The following ATRN variants were observed in gnomAD, a reference collection of about 807,000 sequenced individuals.
ATRN encodes attractin.
In ATRN, 54 loss-of-function variants were observed where a neutral mutation model predicts 178.7. That is an observed-to-expected ratio of 0.30 (90% CI 0.24 to 0.38). The LOEUF is 0.38. ATRN is among the 10% of genes least tolerant of loss of function. ATRN has a pLI of 1.00. For missense variants in ATRN, 1,443 were observed against 1,815.1 expected, an observed-to-expected ratio of 0.79 and a Z score of 3.73; for synonymous variants, 636 against 663.0, an observed-to-expected ratio of 0.96 and a Z score of 0.63.
chr20:3,476,103 C>T (rs1360469640), intron 1 of ATRN, among the ~76,000 whole-genome samples: 3 of 152,186 alleles, frequency 2.0e-5, no homozygotes, highest in African/African-American at 4.8e-5. Context: ...CATAATCATG[C>T]CACTGCATTC....
intron 11 of ATRN, among the ~76,000 whole-genome samples, chr20:3,568,875 G>A (rs934544459): frequency 1.9e-4 from 29 of 152,122 alleles, no homozygotes; most frequent in Non-Finnish European, 4.4e-5. Flanking sequence ...GCACTGCATA[G>A]GGGGCCATTT....
At chr20:3,612,830 T>C (rs1193498845) in intron 24 of ATRN, among the ~76,000 whole-genome samples, 3 of 152,190 alleles carry the variant, frequency 2.0e-5, no homozygotes, top group Admixed American at 2.0e-4. Flanking sequence ...TGATTAATAC[T>C]TTTTAGATTC....
At chr20:3,494,029 A>G (rs1473274967) in intron 1 of ATRN, among the ~76,000 whole-genome samples, 1 of 152,354 alleles carries the variant, frequency 6.6e-6, no homozygotes, top group East Asian at 1.9e-4. Flanking sequence ...ATTCTCTATA[A>G]CAGTAATAAT....
intron 1 of ATRN, among the ~76,000 whole-genome samples, chr20:3,496,276 C>G (rs573927853): frequency 3.1e-4 from 47 of 150,858 alleles, no homozygotes; most frequent in African/African-American, 1.1e-3. Flanking sequence ...CCTGCTTTCT[C>G]TTGTGGGCAT....
At chr20:3,558,071 T>G (rs2085901919) in intron 6 of ATRN, among the ~76,000 whole-genome samples, 1 of 152,200 alleles carries the variant, frequency 6.6e-6, no homozygotes, top group Admixed American at 6.5e-5. Flanking sequence ...CCCTTGCATG[T>G]CCCTCCAAAG....
At chr20:3,569,149 CA>C (rs2086079976) in intron 11 of ATRN, among the ~76,000 whole-genome samples, 1 of 152,098 alleles carries the variant, frequency 6.6e-6, no homozygotes, top group Non-Finnish European at 1.5e-5. Flanking sequence ...CGTGAATTTG[CA>C]AATATGGAAT....
chr20:3,634,881 G>A (rs1216665485), intron 26 of ATRN, among the ~76,000 whole-genome samples: 2 of 152,118 alleles, frequency 1.3e-5, no homozygotes, highest in Admixed American at 6.5e-5. Flanking sequence ...GTCTTGATTT[G>A]TTTCCAGAGC....
At chr20:3,503,698 C>CA (rs948947491) in intron 1 of ATRN, among the ~76,000 whole-genome samples, 6 of 151,306 alleles carry the variant, frequency 4.0e-5, no homozygotes, top group Non-Finnish European at 7.4e-5. Flanking sequence ...AAGCAAACTG[C>CA]AAAAAAAATG....
At chr20:3,584,569 A>G (rs1568745700) in intron 17 of ATRN, 78 bp from the exon 18 acceptor site, 1 of 964,034 alleles carries the variant, frequency 1.0e-6, no homozygotes, top group African/African-American at 1.6e-5. Context: ...CCAGTTGAAT[A>G]GTCTGTTAAA....
At chr20:3,610,567 ATTTTTTTTT>A (rs35770410) in intron 24 of ATRN, among the ~76,000 whole-genome samples, 1 of 93,650 alleles carries the variant, frequency 1.1e-5, no homozygotes, top group African/African-American at 4.5e-5. Flanking sequence ...TTCCAGCTGA[ATTTTTTTTT>A]TTTTTTTTTT....
chr20:3,510,807 T>C (rs186483424), intron 1 of ATRN, among the ~76,000 whole-genome samples: 4 of 152,302 alleles, frequency 2.6e-5, no homozygotes, highest in Admixed American at 2.6e-4. Flanking sequence ...CAATAAGCAG[T>C]CTGTGGGGAG....
rs916256398 is a variant in ATRN, at chr20:3,573,605, G to A, written c.2092+654G>A. On this transcript the variant is annotated intron_variant, in intron 12 of 28. Coordinates refer to ENST00000262919, the MANE Select transcript of ATRN (RefSeq NM_139321.3). ...CAAGACAGACAGTTACTGAGGATGG[G>A]CGATGATCCCTGCTTCTAGAACCTC... 3.3e-5 allele frequency among the ~76,000 whole-genome samples: 5 copies of A among 152,032 alleles called. No individual in the cohort carries two copies. In the East Asian group the frequency reaches 9.6e-4, roughly 29 times the overall value.
At chr20:3,501,290 T>G (rs2084961063) in intron 1 of ATRN, among the ~76,000 whole-genome samples, 1 of 152,232 alleles carries the variant, frequency 6.6e-6, no homozygotes, top group South Asian at 2.1e-4. Flanking sequence ...GAACTCATGG[T>G]ATTTTTTCTT....
intron 1 of ATRN, among the ~76,000 whole-genome samples, chr20:3,473,290 G>C (rs1347601903): frequency 1.3e-5 from 2 of 152,184 alleles, no homozygotes; most frequent in African/African-American, 4.8e-5. Flanking sequence ...CTTAGTCTAG[G>C]GGTAAGGTAA....
chr20:3,553,886 C>T (rs910721470), intron 6 of ATRN, among the ~76,000 whole-genome samples: 1 of 152,120 alleles, frequency 6.6e-6, no homozygotes, highest in Non-Finnish European at 1.5e-5. Context: ...TTCTTTATGG[C>T]AGTGTTAGTG....
intron 1 of ATRN, among the ~76,000 whole-genome samples, chr20:3,479,908 A>G (rs2084595711): frequency 1.3e-5 from 2 of 152,190 alleles, no homozygotes; most frequent in South Asian, 2.1e-4. Context: ...TAGTGGATGA[A>G]CGAGTATGAC....
At chr20:3,639,744 A>G (rs907160099) in intron 27 of ATRN, among the ~76,000 whole-genome samples, 5 of 152,176 alleles carry the variant, frequency 3.3e-5, no homozygotes, top group Admixed American at 6.5e-5. Context: ...TGAATAAAAC[A>G]TACTTATTTA....
In ATRN at chr20:3,530,157, G is replaced by T. The variant is rs547688610; in HGVS notation, c.411-5096G>T. Among the ~76,000 whole-genome samples, 3 of 149,904 alleles carry T rather than the reference G, an allele frequency of 2.0e-5. No individual in the cohort carries two copies. The South Asian group carries it at 6.3e-4, about 31-fold the overall frequency. ...AGCCATAATCTTGTATGGCTAAAAA[G>T]CTTAACACATAAAGCAAAAATAATC... On this transcript the variant is annotated intron_variant, in intron 1 of 28. Transcript: ENST00000262919.
At chr20:3,526,433 A>G (rs1185521340) in intron 1 of ATRN, among the ~76,000 whole-genome samples, 1 of 152,338 alleles carries the variant, frequency 6.6e-6, no homozygotes, top group East Asian at 1.9e-4. Flanking sequence ...GCTCAAGGAA[A>G]TAAGAGAGGA....
Sources: gnomAD v4.1 joint callset for allele counts (sites outside exome capture counted in the v4.1 genomes callset) on GRCh38, gnomAD v4.1.1 for gene constraint, MANE v1.5 for transcripts, NCBI Gene and HGNC (gene_info 2026-07-23, HGNC 2026-07-21) for gene names.